RUNX2: variants seen among roughly 807,000 people sequenced by gnomAD.
RUNX2 encodes the protein runt-related transcription factor 2.
A neutral mutation model predicts 51.7 loss-of-function variants in RUNX2; 10 were observed. That is an observed-to-expected ratio of 0.19 (90% CI 0.12 to 0.33). The LOEUF is 0.33. Ranked by LOEUF, RUNX2 falls within the 10% of genes least tolerant of loss-of-function variation. The pLI is 1.00. For missense variants in RUNX2, 562 were observed against 691.3 expected (o/e 0.81, Z 2.10); for synonymous variants, 276 against 273.6 (o/e 1.01, Z -0.09).
intron 2 of RUNX2, among the ~76,000 whole-genome samples, chr6:45,419,594 G>A (rs1798135332): frequency 6.6e-6 from 1 of 152,244 alleles, no homozygotes; most frequent in South Asian, 2.1e-4. Flanking sequence ...TGAGGCGAAA[G>A]CCTGGCTTCC....
Position 45,422,574 on chromosome 6 carries a change from G to T in RUNX2, c.59-19G>T. ...GCCACTTCGCTAACTTGTGGCTGTT[G>T]TGATGCGTATTCCCGTAGATCCGAG... is the stretch of plus-strand genomic sequence containing the variant. On this transcript the variant is annotated intron_variant, in intron 2 of 8. Coordinates refer to ENST00000647337, the MANE Select transcript of RUNX2 (RefSeq NM_001024630.4). 6.3e-7 allele frequency: 1 copy of T among 1,583,088 alleles called. No homozygotes were observed.
At chr6:45,527,027 G>A (rs943904880) in intron 7 of RUNX2, among the ~76,000 whole-genome samples, 8 of 152,142 alleles carry the variant, frequency 5.3e-5, no homozygotes, top group Non-Finnish European at 1.5e-5. Flanking sequence ...TATGAAAGAA[G>A]TAAAATAGAG....
chr6:45,455,888 G>A (rs950171236), intron 5 of RUNX2, among the ~76,000 whole-genome samples: 2 of 152,092 alleles, frequency 1.3e-5, no homozygotes, highest in Non-Finnish European at 1.5e-5. Context: ...GTAGATAAAT[G>A]CCCTGCCATT....
intron 5 of RUNX2, among the ~76,000 whole-genome samples, chr6:45,474,632 C>T (rs1799903899): frequency 6.6e-6 from 1 of 152,050 alleles, no homozygotes; most frequent in South Asian, 2.1e-4. Context: ...TCCCTTTGAG[C>T]ATCAGACTCT....
intron 2 of RUNX2, among the ~76,000 whole-genome samples, chr6:45,404,272 AAAGAAAAAGAAAAAAG>A (rs1797783830): frequency 7.1e-6 from 1 of 140,252 alleles, no homozygotes; most frequent in Non-Finnish European, 1.5e-5. Flanking sequence ...AAAAAAAAAA[AAAGAAAAAGAAAAAAG>A]AAAAAAAAAA....
intron 7 of RUNX2, among the ~76,000 whole-genome samples, chr6:45,543,622 C>G (rs1472194375): frequency 6.6e-6 from 1 of 152,110 alleles, no homozygotes; most frequent in Non-Finnish European, 1.5e-5. Context: ...ATAAGTCAAA[C>G]TTATATTTTG....
intron 2 of RUNX2, among the ~76,000 whole-genome samples, chr6:45,408,718 C>G (rs1797888971): frequency 6.6e-6 from 1 of 152,026 alleles, no homozygotes; most frequent in East Asian, 1.9e-4. Flanking sequence ...TCCTGTGTAT[C>G]AACCTTCCCC....
chr6:45,534,869 G>A (rs1397546613), intron 7 of RUNX2, among the ~76,000 whole-genome samples: 1 of 152,194 alleles, frequency 6.6e-6, no homozygotes, highest in African/African-American at 2.4e-5. Context: ...AAATAGGACA[G>A]CATTCCCATT....
intron 5 of RUNX2, among the ~76,000 whole-genome samples, chr6:45,456,957 A>G (rs1301779327): frequency 2.0e-5 from 3 of 152,226 alleles, no homozygotes; most frequent in African/African-American, 7.2e-5. Context: ...TTCAAGTTGA[A>G]AAAAGGTTCC....
At chr6:45,478,292 GA>G (rs1332680508) in intron 5 of RUNX2, among the ~76,000 whole-genome samples, 1 of 152,104 alleles carries the variant, frequency 6.6e-6, no homozygotes, top group Non-Finnish European at 1.5e-5. Context: ...TAATGCTTAG[GA>G]TATTTTAATT....
chr6:45,388,502 G>C (rs138193073), intron 2 of RUNX2, among the ~76,000 whole-genome samples: 4 of 152,310 alleles, frequency 2.6e-5, no homozygotes, highest in African/African-American at 9.6e-5. Flanking sequence ...AGATACTCTG[G>C]GGGGCGGAGT....
At chr6:45,399,823 GA>G (rs1797667751) in intron 2 of RUNX2, among the ~76,000 whole-genome samples, 1 of 137,964 alleles carries the variant, frequency 7.2e-6, no homozygotes, top group Non-Finnish European at 1.5e-5. Context: ...GGGAAGTAAG[GA>G]AGGAAGGAAG....
chr6:45,443,359 C>A (rs1798897040), intron 5 of RUNX2, among the ~76,000 whole-genome samples: 1 of 151,988 alleles, frequency 6.6e-6, no homozygotes, highest in Non-Finnish European at 1.5e-5. Context: ...GGATGTTGGG[C>A]CTTCTTAAGG....
At chr6:45,399,516 C>T (rs529871232) in intron 2 of RUNX2, among the ~76,000 whole-genome samples, 3 of 151,670 alleles carry the variant, frequency 2.0e-5, no homozygotes, top group Non-Finnish European at 4.4e-5. Context: ...TGCACCACCA[C>T]GCCCAGCTAA....
intron 2 of RUNX2, among the ~76,000 whole-genome samples, chr6:45,342,898 G>C (rs1175465548): frequency 6.6e-6 from 1 of 152,064 alleles, no homozygotes; most frequent in South Asian, 2.1e-4. Flanking sequence ...GAAAACCATA[G>C]AATGTCATGG....
At chr6:45,499,486 G>A (rs1582177126) in intron 6 of RUNX2, among the ~76,000 whole-genome samples, 1 of 152,334 alleles carries the variant, frequency 6.6e-6, no homozygotes, top group South Asian at 2.1e-4. Context: ...AGGACTCTGT[G>A]AAGGGCTGGT....
intron 6 of RUNX2, among the ~76,000 whole-genome samples, chr6:45,507,107 T>A (rs1308682276): frequency 6.6e-6 from 1 of 151,954 alleles, no homozygotes; most frequent in East Asian, 1.9e-4. Context: ...AAGGCCATGA[T>A]TAAAAGTCAA....
chr6:45,484,760 A>G (rs569390734), intron 5 of RUNX2, among the ~76,000 whole-genome samples: 7 of 152,308 alleles, frequency 4.6e-5, no homozygotes, highest in African/African-American at 1.7e-4. Context: ...CGTGACTTTA[A>G]AATTAGTCAA....
rs149793046 is a variant in RUNX2, at chr6:45,397,958, G to A, written c.59-24635G>A. Among the ~76,000 whole-genome samples the A allele has an allele frequency of 2.1e-3, 322 of 152,272 alleles. 1 individual carries two copies. Among genetic ancestry groups the A allele is most frequent in the African/African-American group, 7.2e-3 (300 of 41,546 alleles). ...TTCCCTGCGTGTGACATTGAACCTA[G>A]CATTGTGCCTAGAACATTTTGAGTG... On this transcript the variant is annotated intron_variant, in intron 2 of 8. Transcript: ENST00000647337.
Sources: gnomAD v4.1 joint callset for allele counts (sites outside exome capture counted in the v4.1 genomes callset) on GRCh38, gnomAD v4.1.1 for gene constraint, MANE v1.5 for transcripts, NCBI Gene and HGNC (gene_info 2026-07-23, HGNC 2026-07-21) for gene names.